CFAP299: variants seen among roughly 807,000 people sequenced by gnomAD.
The protein encoded by CFAP299 is cilia- and flagella-associated protein 299.
CFAP299 carries 21 observed loss-of-function variants against 27.0 expected under a neutral mutation model. That is an observed-to-expected ratio of 0.78 (90% CI 0.55 to 1.12). The LOEUF (loss-of-function observed/expected upper bound fraction) is 1.12, where lower values mean the gene tolerates loss of function less well. CFAP299 is among the 50% of genes most tolerant of loss of function. CFAP299 has a pLI of 0.00. For missense variants in CFAP299, 310 were observed against 276.6 expected, an observed-to-expected ratio of 1.12 and a Z score of -0.86; for synonymous variants, 104 against 98.1, an observed-to-expected ratio of 1.06 and a Z score of -0.36.
chr4:80,727,967 T>A (rs1195104665), intron 3 of CFAP299, among the ~76,000 whole-genome samples: 1 of 151,952 alleles, frequency 6.6e-6, no homozygotes, highest in African/African-American at 2.4e-5. Context: ...AAATTGAGAT[T>A]CAAATTATTT....
At chr4:80,891,789 T>TAAAAAAAAAAAA (rs1355453928) in intron 4 of CFAP299, among the ~76,000 whole-genome samples, 24 of 35,036 alleles carry the variant, frequency 6.9e-4, no homozygotes, top group Admixed American at 1.2e-3. Flanking sequence ...AAAAAAAAAA[T>TAAAAAAAAAAAA]AAAAAAAAAA....
upstream of CFAP299, among the ~76,000 whole-genome samples, chr4:80,332,809 A>G (rs533608502): frequency 1.4e-4 from 21 of 152,208 alleles, no homozygotes; most frequent in South Asian, 3.9e-3. Flanking sequence ...CACAGGTGCT[A>G]TGTTCTGATT....
chr4:80,466,467 A>G (rs929279088), intron 2 of CFAP299, among the ~76,000 whole-genome samples: 15 of 152,204 alleles, frequency 9.9e-5, no homozygotes, highest in Non-Finnish European at 1.9e-4. Context: ...ACAAATATCC[A>G]TGGCTATCTA....
chr4:80,900,782 G>T (rs1429031128), intron 4 of CFAP299, among the ~76,000 whole-genome samples: 1 of 151,488 alleles, frequency 6.6e-6, no homozygotes, highest in Admixed American at 6.6e-5. Context: ...AACAGGGCTG[G>T]GATTTGAAAT....
chr4:80,434,390 G>T (rs1051490869), intron 2 of CFAP299, among the ~76,000 whole-genome samples: 1 of 152,164 alleles, frequency 6.6e-6, no homozygotes. Context: ...GAGGTGATTT[G>T]TGCAGCTTCC....
intron 2 of CFAP299, chr4:80,388,255 C>T (rs1725128596): frequency 5.8e-6 from 4 of 690,332 alleles, no homozygotes; most frequent in East Asian, 2.7e-5. Flanking sequence ...GGCCCTAGGG[C>T]ATGGGCTGGT....
intron 3 of CFAP299, among the ~76,000 whole-genome samples, chr4:80,743,579 TTG>T (rs1724409690): frequency 6.6e-6 from 1 of 152,224 alleles, no homozygotes; most frequent in Admixed American, 6.5e-5. Flanking sequence ...AGTAAGGCTC[TTG>T]AAAAGAGACT....
intron 3 of CFAP299, among the ~76,000 whole-genome samples, chr4:80,823,425 G>T (rs1729814017): frequency 6.6e-6 from 1 of 152,030 alleles, no homozygotes; most frequent in Non-Finnish European, 1.5e-5. Flanking sequence ...TCCTTTTATT[G>T]CATGTAAACA....
At chr4:80,719,106 A>G (rs1384347476) in intron 3 of CFAP299, among the ~76,000 whole-genome samples, 18 of 152,144 alleles carry the variant, frequency 1.2e-4, no homozygotes, top group Admixed American at 1.2e-3. Flanking sequence ...ACATGTGGAC[A>G]AATAGAAGGA....
chr4:80,556,621 C>A (rs893540356), intron 2 of CFAP299, among the ~76,000 whole-genome samples: 2 of 151,872 alleles, frequency 1.3e-5, no homozygotes, highest in African/African-American at 2.4e-5. Flanking sequence ...TTTCAGGGAA[C>A]TTAATATCCA....
At chr4:80,370,485 C>T (rs751271296) in intron 2 of CFAP299, among the ~76,000 whole-genome samples, 1 of 152,166 alleles carries the variant, frequency 6.6e-6, no homozygotes, top group Non-Finnish European at 1.5e-5. Flanking sequence ...AAGGCTAGTC[C>T]CTTTTGCCTA....
At chr4:80,476,952 T>TGTGC (rs1553926280) in intron 2 of CFAP299, among the ~76,000 whole-genome samples, 4,983 of 131,302 alleles carry the variant, frequency 0.038, 271 homozygotes, top group African/African-American at 0.13. Flanking sequence ...TGCGTGTGTG[T>TGTGC]GCGCATGCGT....
intron 5 of CFAP299, among the ~76,000 whole-genome samples, chr4:80,953,460 C>A (rs1737887513): frequency 6.6e-6 from 1 of 152,204 alleles, no homozygotes; most frequent in Non-Finnish European, 1.5e-5. Flanking sequence ...AAGCCCACCA[C>A]ATATAAATTA....
chr4:80,834,501 T>G (rs1034744621), intron 3 of CFAP299, among the ~76,000 whole-genome samples: 1 of 152,324 alleles, frequency 6.6e-6, no homozygotes, highest in Admixed American at 6.5e-5. Flanking sequence ...CTCTGAATTT[T>G]AGGTCTAAAA....
intron 3 of CFAP299, among the ~76,000 whole-genome samples, chr4:80,650,654 G>A (rs1158224661): frequency 6.6e-6 from 1 of 152,116 alleles, no homozygotes; most frequent in Non-Finnish European, 1.5e-5. Flanking sequence ...TAAGCCTTAT[G>A]CATCTTAAAG....
At chr4:80,476,143 C>T (rs1002525947) in intron 2 of CFAP299, among the ~76,000 whole-genome samples, 1 of 152,190 alleles carries the variant, frequency 6.6e-6, no homozygotes, top group African/African-American at 2.4e-5. Flanking sequence ...CTCCCTCACC[C>T]CTTACTCTAT....
intron 3 of CFAP299, among the ~76,000 whole-genome samples, chr4:80,774,087 A>G (rs947131157): frequency 6.6e-5 from 10 of 151,904 alleles, no homozygotes; most frequent in Admixed American, 5.9e-4. Context: ...CTTCTGAGAG[A>G]TTTTTAAGAT....
intron 2 of CFAP299, among the ~76,000 whole-genome samples, chr4:80,422,373 T>TA (rs11346648): frequency 8.4e-4 from 122 of 145,028 alleles, no homozygotes; most frequent in African/African-American, 1.7e-3. Context: ...CTGCTAAAAT[T>TA]AAAAAAAAAA....
At chr4:80,596,397 G>C (rs777977851) in intron 3 of CFAP299, among the ~76,000 whole-genome samples, 1 of 152,094 alleles carries the variant, frequency 6.6e-6, no homozygotes. Context: ...TTAGTTATTG[G>C]TCTTTTGGAG....
Sources: gnomAD v4.1 joint callset for allele counts (sites outside exome capture counted in the v4.1 genomes callset) on GRCh38, gnomAD v4.1.1 for gene constraint, MANE v1.5 for transcripts, NCBI Gene and HGNC (gene_info 2026-07-23, HGNC 2026-07-21) for gene names.